ERBB4: variants seen among roughly 807,000 people sequenced by gnomAD.
The protein encoded by ERBB4 is receptor tyrosine-protein kinase erbB-4.
A neutral mutation model predicts 158.0 loss-of-function variants in ERBB4; 42 were observed. The observed-to-expected ratio is 0.27, with a 90% CI of 0.21 to 0.34. The LOEUF is 0.34. Ranked by LOEUF, ERBB4 falls within the 10% of genes least tolerant of loss-of-function variation. The pLI, the probability that ERBB4 is intolerant of heterozygous loss-of-function variation, is 1.00. For missense variants in ERBB4, 1,333 were observed against 1,624.1 expected, an observed-to-expected ratio of 0.82 and a Z score of 3.08; for synonymous variants, 583 against 558.7, an observed-to-expected ratio of 1.04 and a Z score of -0.61.
intron 3 of ERBB4, among the ~76,000 whole-genome samples, chr2:211,930,114 A>C (rs1164346515): frequency 2.0e-5 from 3 of 152,146 alleles, no homozygotes; most frequent in Non-Finnish European, 4.4e-5. Context: ...ATGCTTTAAA[A>C]AATAAAATAA....
chr2:211,472,281 C>A (rs2064845294), intron 20 of ERBB4, among the ~76,000 whole-genome samples: 1 of 149,200 alleles, frequency 6.7e-6, no homozygotes, highest in Non-Finnish European at 1.5e-5. Flanking sequence ...ACAACCATGA[C>A]AATAATAAAT....
At chr2:212,122,765 T>A (rs2079796590) in intron 2 of ERBB4, among the ~76,000 whole-genome samples, 2 of 151,782 alleles carry the variant, frequency 1.3e-5, no homozygotes, top group South Asian at 2.1e-4. Context: ...TACAAGACCA[T>A]AAGAATTATT....
chr2:212,127,463 G>A (rs954432471), intron 1 of ERBB4, among the ~76,000 whole-genome samples: 1 of 152,076 alleles, frequency 6.6e-6, no homozygotes, highest in Non-Finnish European at 1.5e-5. Flanking sequence ...CTGGTGGCGG[G>A]TGCCTGTAGT....
intron 1 of ERBB4, among the ~76,000 whole-genome samples, chr2:212,407,938 G>T (rs2091394307): frequency 6.6e-6 from 1 of 151,892 alleles, no homozygotes; most frequent in South Asian, 2.1e-4. Context: ...TAGGTATAAG[G>T]TAATCATTAC....
chr2:211,987,588 A>C (rs1441570785), intron 2 of ERBB4, among the ~76,000 whole-genome samples: 1 of 152,080 alleles, frequency 6.6e-6, no homozygotes, highest in African/African-American at 2.4e-5. Context: ...ATCTATTGCA[A>C]TCAAAATCAA....
At chr2:211,677,434 G>A (rs774877525) in intron 13 of ERBB4, among the ~76,000 whole-genome samples, 8 of 151,784 alleles carry the variant, frequency 5.3e-5, no homozygotes, top group Non-Finnish European at 1.0e-4. Flanking sequence ...CATGGTGGCG[G>A]GCACCTGTAA....
intron 1 of ERBB4, among the ~76,000 whole-genome samples, chr2:212,373,951 CATATATATATCCATATATATCCAT>C (rs1560147246): frequency 1.1e-3 from 40 of 35,126 alleles, no homozygotes; most frequent in Non-Finnish European, 1.8e-3. Context: ...ATATATATAT[CATATATATATCCATATATATCCAT>C]ATATATATAT....
chr2:212,267,603 T>TTTTTC (rs1452258661), intron 1 of ERBB4, among the ~76,000 whole-genome samples: 2 of 150,650 alleles, frequency 1.3e-5, no homozygotes, highest in Non-Finnish European at 1.5e-5. Context: ...ATTTCTTTTT[T>TTTTTC]TTTTTTTTAT....
intron 1 of ERBB4, among the ~76,000 whole-genome samples, chr2:212,329,379 T>G (rs1363613498): frequency 1.3e-5 from 2 of 152,114 alleles, no homozygotes; most frequent in African/African-American, 4.8e-5. Flanking sequence ...ATTAGCAATT[T>G]ATAGTGCCAG....
chr2:211,812,561 C>A (rs1051158621), intron 3 of ERBB4, among the ~76,000 whole-genome samples: 21 of 152,220 alleles, frequency 1.4e-4, no homozygotes, highest in African/African-American at 5.1e-4. Context: ...GGAAGAACCA[C>A]TGCTCTCCTC....
intron 16 of ERBB4, among the ~76,000 whole-genome samples, chr2:211,657,256 C>T (rs2071250283): frequency 3.9e-5 from 6 of 152,054 alleles, no homozygotes; most frequent in Admixed American, 3.9e-4. Flanking sequence ...CACTTGTAAT[C>T]CCAGTACTTT....
chr2:212,010,382 GTTTA>G (rs772995434), intron 2 of ERBB4, among the ~76,000 whole-genome samples: 68 of 151,750 alleles, frequency 4.5e-4, no homozygotes, highest in Admixed American at 3.6e-3. Flanking sequence ...TATTTTATTT[GTTTA>G]TTTATTTATT....
At chr2:211,562,416 C>G (rs2067421722) in intron 19 of ERBB4, among the ~76,000 whole-genome samples, 1 of 152,082 alleles carries the variant, frequency 6.6e-6, no homozygotes, top group South Asian at 2.1e-4. Context: ...TGAATTCCAG[C>G]TTATATTATG....
chr2:211,883,396 T>C (rs985993558), intron 3 of ERBB4, among the ~76,000 whole-genome samples: 9 of 151,906 alleles, frequency 5.9e-5, no homozygotes, highest in Non-Finnish European at 1.3e-4. Context: ...TGTATACATA[T>C]GTAACAAACC....
At chr2:211,981,058 T>C (rs2081779619) in intron 2 of ERBB4, among the ~76,000 whole-genome samples, 1 of 132,642 alleles carries the variant, frequency 7.5e-6, no homozygotes, top group African/African-American at 2.5e-5. Flanking sequence ...TCCTATCTTG[T>C]GAATGTTCAT....
chr2:211,682,909 CTTAGT>C (rs1195014649), intron 12 of ERBB4, among the ~76,000 whole-genome samples: 1 of 151,322 alleles, frequency 6.6e-6, no homozygotes, highest in Non-Finnish European at 1.5e-5. Flanking sequence ...AATAATTTAT[CTTAGT>C]TTTTTTTTTC....
intron 4 of ERBB4, among the ~76,000 whole-genome samples, chr2:211,776,309 C>T (rs1240807812): frequency 6.6e-6 from 1 of 152,144 alleles, no homozygotes; most frequent in Non-Finnish European, 1.5e-5. Flanking sequence ...GCTGTGGTGG[C>T]TGGCATGAAG....
intron 19 of ERBB4, among the ~76,000 whole-genome samples, chr2:211,614,022 T>G (rs952107613): frequency 6.6e-6 from 1 of 152,068 alleles, no homozygotes; most frequent in African/African-American, 2.4e-5. Flanking sequence ...GCAACCTAAG[T>G]GTCCATCAAC....
intron 5 of ERBB4, among the ~76,000 whole-genome samples, chr2:211,733,443 T>TCCTCC (rs2106158874): frequency 2.7e-5 from 4 of 147,584 alleles, no homozygotes; most frequent in African/African-American, 1.1e-4. Flanking sequence ...TGAATCTGCG[T>TCCTCC]AAGAATACCA....
Sources: gnomAD v4.1 joint callset for allele counts (sites outside exome capture counted in the v4.1 genomes callset) on GRCh38, gnomAD v4.1.1 for gene constraint, MANE v1.5 for transcripts, NCBI Gene and HGNC (gene_info 2026-07-23, HGNC 2026-07-21) for gene names.